Variants in CA5A observed in about 807,000 individuals in gnomAD.
CA5A encodes carbonic anhydrase 5A, mitochondrial.
CA5A carries 28 observed loss-of-function variants against 37.1 expected under a neutral mutation model. The ratio of observed to expected loss-of-function variants is 0.75; its 90% CI spans 0.56 to 1.03. The LOEUF is 1.03. Among genes scored for constraint, CA5A ranks in the 50% least tolerant of loss-of-function variants. The probability of loss-of-function intolerance (pLI) is 0.00; values close to 1 mark genes in which losing one functional copy is unlikely to be tolerated. For missense variants in CA5A, 444 were observed against 399.9 expected (o/e 1.11, Z -0.94); for synonymous variants, 171 against 158.4 (o/e 1.08, Z -0.60).
At chr16:87,902,401 A>T in intron 4 of CA5A, 24 bp downstream of exon 4, 1 of 1,413,738 alleles carries the variant, frequency 7.1e-7, no homozygotes, top group African/African-American at 1.4e-5. Context: ...TCTTCATTAG[A>T]TCTACACCCG....
At chr16:87,906,064 T>C (rs2055956400) in intron 2 of CA5A, among the ~76,000 whole-genome samples, 1 of 152,214 alleles carries the variant, frequency 6.6e-6, no homozygotes, top group African/African-American at 2.4e-5. Flanking sequence ...CACTAACAGA[T>C]TTCCATCAGC....
rs2055779596 is a variant in CA5A, at chr16:87,894,905, C to T, written c.619-2951G>A. Among the ~76,000 whole-genome samples, 4 of 151,958 alleles carry T rather than the reference C, an allele frequency of 2.6e-5. No individual in the cohort carries two copies. The South Asian group carries it at 8.3e-4, about 32-fold the overall frequency. ...CAAACAACAGCAGCAGCAGCAAAACCCACAGCATTATTGTGATAGAATTCA... is the reference window on the plus strand; with the variant it reads ...CAAACAACAGCAGCAGCAGCAAAACTCACAGCATTATTGTGATAGAATTCA... On this transcript the variant is annotated intron_variant, in intron 5 of 6. Coordinates refer to ENST00000649794, the MANE Select transcript of CA5A (RefSeq NM_001739.2).
chr16:87,903,499 A>G (rs1283983889), intron 3 of CA5A, among the ~76,000 whole-genome samples: 1 of 152,246 alleles, frequency 6.6e-6, no homozygotes, highest in Admixed American at 6.5e-5. Flanking sequence ...GCAGATAGAG[A>G]TACTAAAATA....
At chr16:87,888,839 G>A (rs539209550) in intron 6 of CA5A, among the ~76,000 whole-genome samples, 9 of 152,162 alleles carry the variant, frequency 5.9e-5, no homozygotes, top group Admixed American at 5.2e-4. Flanking sequence ...TGCAACCTCC[G>A]CCTCCCAGGT....
chr16:87,910,126 G>A (rs962397074), intron 2 of CA5A, among the ~76,000 whole-genome samples: 3 of 152,324 alleles, frequency 2.0e-5, no homozygotes, highest in African/African-American at 7.2e-5. Context: ...GGAAGCCACT[G>A]AAGCCTTCAT....
intron 2 of CA5A, among the ~76,000 whole-genome samples, chr16:87,919,442 G>C (rs1305656009): frequency 1.3e-5 from 2 of 152,210 alleles, no homozygotes; most frequent in Non-Finnish European, 2.9e-5. Flanking sequence ...GAACTGCCGG[G>C]AAAGAGGCGA....
rs554931023 is a variant in CA5A at position 87,929,005 on chromosome 16, G to GA, written c.143-2061_143-2060insT. Among the ~76,000 whole-genome samples the GA allele has an allele frequency of 4.4e-3, 666 of 150,000 alleles. 2 individuals carry two copies. The highest frequency in any genetic ancestry group is 0.013 in the African/African-American group (526 of 41,182). The stretch of plus-strand genomic sequence containing the variant: ...AGGATGGTCTCCATCTCCTGACCTT[G>GA]TGATCCACCCGCCTCGGCCTCCCAA... On this transcript the variant is annotated intron_variant, in intron 1 of 6. Transcript: ENST00000649794.
At chr16:87,899,481 T>G (rs1485037408) in intron 5 of CA5A, among the ~76,000 whole-genome samples, 1 of 150,908 alleles carries the variant, frequency 6.6e-6, no homozygotes, top group African/African-American at 2.4e-5. Context: ...TTTTGTATTT[T>G]TAGTAGAGAT....
rs1244625320 is a variant in CA5A at position 87,932,836 on chromosome 16, A to C, written c.142+3473T>G. On this transcript the variant is annotated intron_variant, in intron 1 of 6. Transcript: ENST00000649794. The stretch of plus-strand genomic sequence containing the variant: ...CAAATCTCAAATTCCTTCCCCCTTG[A>C]CCTCCATGGGAGGAGCTATCCCCTC... 2.6e-5 allele frequency among the ~76,000 whole-genome samples: 4 copies of C among 151,898 alleles called. No individual in the cohort carries two copies. The East Asian group carries it at 7.7e-4, about 29-fold the overall frequency.
intron 5 of CA5A, among the ~76,000 whole-genome samples, chr16:87,898,667 T>A (rs567292467): frequency 6.6e-6 from 1 of 152,170 alleles, no homozygotes; most frequent in South Asian, 2.1e-4. Context: ...AACTGCACAT[T>A]TCACCAAGAA....
chr16:87,908,863 T>A (rs2056005955), intron 2 of CA5A, among the ~76,000 whole-genome samples: 1 of 152,130 alleles, frequency 6.6e-6, no homozygotes, highest in South Asian at 2.1e-4. Context: ...TCGCCCAGGC[T>A]GGAATGCGGT....
At chr16:87,882,951 G>A (rs2055621076) in intron 4 of CA5A, 1 of 152,402 alleles carries the variant, frequency 6.6e-6, no homozygotes, top group Non-Finnish European at 1.5e-5. Flanking sequence ...GCCCAGGCTA[G>A]AGGGCAGTGG....
chr16:87,892,604 C>G (rs1282567174), intron 5 of CA5A, among the ~76,000 whole-genome samples: 1 of 148,914 alleles, frequency 6.7e-6, no homozygotes, highest in Non-Finnish European at 1.5e-5. Context: ...TTTTAGCATA[C>G]CTTGGCTGCA....
At chr16:87,918,480 A>G (rs1382732176) in intron 2 of CA5A, among the ~76,000 whole-genome samples, 2 of 147,402 alleles carry the variant, frequency 1.4e-5, no homozygotes, top group South Asian at 2.1e-4. Flanking sequence ...TCTGTTACTC[A>G]TCGTCCTTGG....
chr16:87,902,577 T>A (rs903143093), intron 3 of CA5A, 57 bp from the exon 4 acceptor site: 42 of 940,290 alleles, frequency 4.5e-5, no homozygotes, highest in Middle Eastern at 2.1e-4. Flanking sequence ...GACAGTCACT[T>A]CCCCTTCTGA....
At chr16:87,925,303 C>G (rs569011625) in intron 2 of CA5A, among the ~76,000 whole-genome samples, 1 of 152,134 alleles carries the variant, frequency 6.6e-6, no homozygotes, top group African/African-American at 2.4e-5. Flanking sequence ...ATCAGCCACG[C>G]GAAGAGGTGT....
chr16:87,926,134 C>T (rs1386610125), intron 2 of CA5A, among the ~76,000 whole-genome samples: 3 of 152,160 alleles, frequency 2.0e-5, no homozygotes, highest in Admixed American at 1.3e-4. Context: ...GCAGGAGAAT[C>T]ACTTGAACCA....
At position 87,891,928 on chromosome 16, in the gene CA5A, G is replaced by C. The variant is rs149154082; in HGVS notation, c.645C>G (p.Phe215Leu). Residue 215 changes from phenylalanine (F) to leucine (L), a missense_variant, in exon 6 of 7, where the codon TTC becomes TTG. Transcript: ENST00000649794. ...HKDARAAMRPFDPSTLLPTCW... is the reference protein window; with the variant it reads ...HKDARAAMRPLDPSTLLPTCW... ...AGGTGGGCAGCAGAGTGGAGGGGTC[G>C]AAGGGGCGCATGGCCGCCCGCGCGT... The C allele has an allele frequency of 6.4e-7, 1 of 1,557,134 alleles. No homozygotes were observed. Among genetic ancestry groups the C allele is most frequent in the Non-Finnish European group, 8.7e-7 (1 of 1,152,694 alleles).
At chr16:87,927,236 G>A (rs766296378) in intron 1 of CA5A, among the ~76,000 whole-genome samples, 2 of 152,198 alleles carry the variant, frequency 1.3e-5, no homozygotes, top group Non-Finnish European at 1.5e-5. Context: ...TGTTGCCCTC[G>A]TCACAGAGTA....
Sources: allele counts gnomAD v4.1 joint callset (sites outside exome capture counted in the v4.1 genomes callset), GRCh38; gene constraint gnomAD v4.1.1; transcripts MANE v1.5; gene names NCBI Gene and HGNC (gene_info 2026-07-23, HGNC 2026-07-21).